The following VPS13A variants were observed in gnomAD, a reference collection of about 807,000 sequenced individuals.
The protein encoded by VPS13A is intermembrane lipid transfer protein VPS13A.
A neutral mutation model predicts 390.9 loss-of-function variants in VPS13A; 264 were observed. That is an observed-to-expected ratio of 0.68 (90% CI 0.61 to 0.75). The LOEUF (loss-of-function observed/expected upper bound fraction) is 0.75, where lower values mean the gene tolerates loss of function less well. Among genes scored for constraint, VPS13A ranks in the 30% least tolerant of loss-of-function variants. The probability of loss-of-function intolerance (pLI) is 0.00; values close to 1 mark genes in which losing one functional copy is unlikely to be tolerated. For synonymous variants in VPS13A, 1,231 were observed against 1,227.1 expected, an observed-to-expected ratio of 1.00 and a Z score of -0.07; for missense variants, 3,409 against 3,733.9, an observed-to-expected ratio of 0.91 and a Z score of 2.27.
chr9:77,367,866 C>T (rs988849027), intron 61 of VPS13A, among the ~76,000 whole-genome samples, 189 bp from the exon 62 acceptor site: 2 of 151,994 alleles, frequency 1.3e-5, no homozygotes, highest in African/African-American at 4.8e-5. Flanking sequence ...TTATCAGATT[C>T]TTAGAAGGTT....
At chr9:77,323,845 T>C (rs1829871875) in intron 45 of VPS13A, among the ~76,000 whole-genome samples, 1 of 152,002 alleles carries the variant, frequency 6.6e-6, no homozygotes, top group Non-Finnish European at 1.5e-5. Context: ...ATGTGTCAAC[T>C]TATGTGTATC....
At chr9:77,194,643 T>A (rs1564621141) in intron 1 of VPS13A, among the ~76,000 whole-genome samples, 1 of 152,122 alleles carries the variant, frequency 6.6e-6, no homozygotes, top group Non-Finnish European at 1.5e-5. Flanking sequence ...ATTCTAGAGG[T>A]CCATGACAAG....
chr9:77,227,525 T>C, intron 16 of VPS13A, 40 bp downstream of exon 16: 1 of 1,444,356 alleles, frequency 6.9e-7, no homozygotes, highest in South Asian at 1.2e-5. Context: ...AATATATTTA[T>C]TTATTTATTT....
At position 77,321,588 on chromosome 9, in the gene VPS13A, C is replaced by T. The variant is rs772765093; in HGVS notation, c.5672C>T (p.Ser1891Leu). 8 of 1,613,384 alleles carry T rather than the reference C, an allele frequency of 5.0e-6. No homozygotes were observed. The highest frequency in any genetic ancestry group is 2.2e-5 in the East Asian group (1 of 44,822). The change falls in exon 44 of 72, where the codon TCG becomes TTG. Residue 1891 changes from serine to leucine, a missense_variant. Transcript: ENST00000360280. ...LNSLGLTISV[S>L]PSDSFSVLNI... Reference sequence around the variant, plus strand: ...TCCCTTGGACTTACTATTTCTGTTTCGCCAAGTGATTCTTTTAGTGTACTC... The same window carrying T: ...TCCCTTGGACTTACTATTTCTGTTTTGCCAAGTGATTCTTTTAGTGTACTC...
At chr9:77,186,187 A>G (rs776416744) in intron 1 of VPS13A, among the ~76,000 whole-genome samples, 3 of 152,184 alleles carry the variant, frequency 2.0e-5, no homozygotes, top group Non-Finnish European at 2.9e-5. Context: ...GTAATACTCT[A>G]TCTTACAATA....
intron 19 of VPS13A, among the ~76,000 whole-genome samples, chr9:77,245,058 T>C (rs1051092671): frequency 1.3e-5 from 2 of 152,148 alleles, no homozygotes; most frequent in South Asian, 2.1e-4. Context: ...TAAAGATGCA[T>C]ACTCTTGATT....
intron 67 of VPS13A, among the ~76,000 whole-genome samples, chr9:77,377,252 G>A (rs1404291642): frequency 3.5e-5 from 4 of 113,028 alleles, no homozygotes; most frequent in Admixed American, 2.8e-4. Context: ...TCGCTCTGTC[G>A]CCCAGGCCAG....
chr9:77,248,833 G>A lies in VPS13A; in HGVS notation c.2038-1264G>A, dbSNP rs1824984463. ...TGCAACCTCTGCCTCCCGAGTTCAAGTGATTCTTCTGCCTCAGCCTCCCAA... is the reference window on the plus strand; with the variant it reads ...TGCAACCTCTGCCTCCCGAGTTCAAATGATTCTTCTGCCTCAGCCTCCCAA... On this transcript the variant is annotated intron_variant, in intron 20 of 71. Coordinates refer to ENST00000360280, the MANE Select transcript of VPS13A (RefSeq NM_033305.3). Among the ~76,000 whole-genome samples the A allele has an allele frequency of 5.3e-5, 8 of 152,170 alleles. No individual in the cohort carries two copies. In the South Asian group the frequency reaches 1.7e-3, roughly 32 times the overall value.
chr9:77,372,874 T>G (rs1832860047), intron 67 of VPS13A, among the ~76,000 whole-genome samples: 1 of 151,958 alleles, frequency 6.6e-6, no homozygotes, highest in South Asian at 2.1e-4. Flanking sequence ...ATAAGTGAAC[T>G]CCCATTCACA....
intron 71 of VPS13A, 92 bp downstream of exon 71, chr9:77,407,699 G>C: frequency 9.6e-7 from 1 of 1,036,748 alleles, no homozygotes; most frequent in Non-Finnish European, 1.5e-6. Flanking sequence ...GTTTTGTTTG[G>C]GGGTTTTTGT....
At chr9:77,276,498 T>C (rs1441534634) in intron 26 of VPS13A, among the ~76,000 whole-genome samples, 1 of 152,256 alleles carries the variant, frequency 6.6e-6, no homozygotes, top group Non-Finnish European at 1.5e-5. Context: ...ATTAGTTTTC[T>C]ATTGTTGCTA....
chr9:77,257,938 A>G (rs1490485997), intron 22 of VPS13A, among the ~76,000 whole-genome samples: 1 of 152,220 alleles, frequency 6.6e-6, no homozygotes, highest in African/African-American at 2.4e-5. Flanking sequence ...TAACTTATGT[A>G]GAAAATAAAT....
chr9:77,340,499 A>G lies in VPS13A; in HGVS notation c.6975A>G (p.Ile2325Met). 1 of 1,613,378 alleles carries G rather than the reference A, an allele frequency of 6.2e-7. No individual in the cohort carries two copies. The highest frequency in any genetic ancestry group is 8.5e-7 in the Non-Finnish European group (1 of 1,179,728). The stretch of plus-strand genomic sequence containing the variant: ...TTAAAAACAAAAGCAAATACCATAT[A>G]TCAGTGGCTGAAGAAGGAAATGATA... ...YMIKNKSKYH[I>M]SVAEEGNDKW... Residue 2325 changes from isoleucine (I) to methionine (M), a missense_variant, in exon 50 of 72, where the codon ATA becomes ATG. Ile to Met is a conservative substitution (Grantham distance 10). Around this residue, in one of 5 missense-constraint regions of VPS13A, gnomAD observed 2,717 missense variants for 2,917.4 expected, o/e 0.93. Transcript: ENST00000360280.
At chr9:77,282,688 C>T (rs548419931) in intron 29 of VPS13A, among the ~76,000 whole-genome samples, 39 of 151,738 alleles carry the variant, frequency 2.6e-4, no homozygotes, top group Non-Finnish European at 4.6e-4. Flanking sequence ...TCCCAGTGAC[C>T]CAGGGAGGTG....
At position 77,189,618 on chromosome 9, in the gene VPS13A, G is replaced by GT. The variant is rs769742623; in HGVS notation, c.101-10321dup. Among the ~76,000 whole-genome samples the GT allele has an allele frequency of 5.9e-5, 9 of 152,128 alleles. 1 individual carries two copies. Among genetic ancestry groups the GT allele is most frequent in the Non-Finnish European group, 1.3e-4 (9 of 68,012 alleles). ...TTGGGCCAGTATGAATTTTAAAATA[G>GT]TTTTTTCTAATTCTGTGAGAAATAA... On this transcript the variant is annotated intron_variant, in intron 1 of 71. Coordinates refer to ENST00000360280, the MANE Select transcript of VPS13A (RefSeq NM_033305.3).
At chr9:77,321,873 C>G (rs1414445239) in intron 44 of VPS13A, 127 bp downstream of exon 44, 1 of 1,118,610 alleles carries the variant, frequency 8.9e-7, no homozygotes. Context: ...TTTAAAATAT[C>G]CTTTCTAATA....
chr9:77,201,509 T>A, intron 3 of VPS13A, 102 bp downstream of exon 3: 1 of 1,050,692 alleles, frequency 9.5e-7, no homozygotes, highest in Non-Finnish European at 1.5e-6. Context: ...TTTCTGAGCA[T>A]CAATTAAAAA....
chr9:77,361,898 C>G, intron 59 of VPS13A, among the ~76,000 whole-genome samples: 1 of 152,026 alleles, frequency 6.6e-6, no homozygotes, highest in East Asian at 1.9e-4. Context: ...TACCTGATGA[C>G]TAATGATGTT....
Position 77,339,915 on chromosome 9 carries a change from T to C in VPS13A, c.6774+4T>C. 6.2e-7 allele frequency: 1 copy of C among 1,608,506 alleles called. No individual in the cohort carries two copies. On this transcript the variant is annotated splice_donor_region_variant and intron_variant, in intron 48 of 71. Coordinates refer to ENST00000360280, the MANE Select transcript of VPS13A (RefSeq NM_033305.3). Reference sequence around the variant, plus strand: ...TCACTTTTTTAATAACAATAAGGTATGCGATGTTTATTCTGTTTTTCCCTT... The same window carrying C: ...TCACTTTTTTAATAACAATAAGGTACGCGATGTTTATTCTGTTTTTCCCTT...
Sources: gnomAD v4.1 joint callset for allele counts (sites outside exome capture counted in the v4.1 genomes callset) on GRCh38, gnomAD v4.1.1 for gene constraint, gnomAD v4.1.1 regional missense constraint, MANE v1.5 for transcripts, NCBI Gene and HGNC (gene_info 2026-07-23, HGNC 2026-07-21) for gene names.